EHBP1: variants seen among roughly 807,000 people sequenced by gnomAD.
EHBP1 encodes the protein EH domain binding protein 1.
A neutral mutation model predicts 144.0 loss-of-function variants in EHBP1; 55 were observed. The observed-to-expected ratio is 0.38, with a 90% CI of 0.31 to 0.48. EHBP1 has a LOEUF of 0.48. EHBP1 is among the 20% of genes least tolerant of loss of function. The probability of loss-of-function intolerance (pLI) is 0.98; values close to 1 mark genes in which losing one functional copy is unlikely to be tolerated. For missense variants in EHBP1, 1,200 were observed against 1,364.2 expected (o/e 0.88, Z 1.90); for synonymous variants, 469 against 472.7 (o/e 0.99, Z 0.10).
Position 62,836,185 on chromosome 2 carries a change from CT to C in EHBP1, c.634+5028del, listed in dbSNP as rs1573611733. ...GCCTCCTCAAATGGGTCCCTGACCC[CT>C]GACCCCCGAGCAGCCTAACTGGGAG... is the stretch of plus-strand genomic sequence containing the variant. On this transcript the variant is annotated intron_variant, in intron 7 of 22. Coordinates refer to ENST00000431489, the MANE Select transcript of EHBP1 (RefSeq NM_001142616.3). Among the ~76,000 whole-genome samples the C allele has an allele frequency of 2.0e-5, 3 of 152,304 alleles. No individual in the cohort carries two copies. In the East Asian group the frequency reaches 5.8e-4, roughly 29 times the overall value.
intron 10 of EHBP1, among the ~76,000 whole-genome samples, chr2:62,885,688 A>G (rs1256832519): frequency 6.6e-6 from 1 of 152,228 alleles, no homozygotes; most frequent in Non-Finnish European, 1.5e-5. Flanking sequence ...ATCATAATAT[A>G]AACAGCCAAT....
chr2:62,780,068 G>A (rs2042321164), intron 5 of EHBP1, among the ~76,000 whole-genome samples: 1 of 152,014 alleles, frequency 6.6e-6, no homozygotes, highest in African/African-American at 2.4e-5. Context: ...CAGAAAAGGT[G>A]ACCTACCAGC....
At chr2:62,798,848 C>T (rs2152482344) in intron 5 of EHBP1, among the ~76,000 whole-genome samples, 1 of 151,514 alleles carries the variant, frequency 6.6e-6, no homozygotes, top group Admixed American at 6.6e-5. Flanking sequence ...ACTAAAAATA[C>T]AAAAAATTAG....
At chr2:62,958,156 C>A (rs2057811166) in intron 14 of EHBP1, among the ~76,000 whole-genome samples, 1 of 152,212 alleles carries the variant, frequency 6.6e-6, no homozygotes, top group East Asian at 1.9e-4. Context: ...GAAAAACAGG[C>A]CATTGCTTAT....
intron 14 of EHBP1, among the ~76,000 whole-genome samples, chr2:62,957,376 A>G (rs1558980651): frequency 6.6e-6 from 1 of 152,210 alleles, no homozygotes; most frequent in Non-Finnish European, 1.5e-5. Flanking sequence ...AAATGTACAT[A>G]TAAAAAGCCT....
intron 6 of EHBP1, among the ~76,000 whole-genome samples, chr2:62,829,571 TTGTGTG>T (rs56847662): frequency 7.7e-5 from 11 of 142,462 alleles, no homozygotes; most frequent in East Asian, 2.0e-4. Context: ...GTGTTCTATG[TTGTGTG>T]TGTGTGTGTG....
At chr2:62,727,303 T>A (rs1572986295) in intron 2 of EHBP1, among the ~76,000 whole-genome samples, 1 of 151,964 alleles carries the variant, frequency 6.6e-6, no homozygotes, top group South Asian at 2.1e-4. Context: ...TTTTTTTTTT[T>A]AAACAGATTT....
rs556313969 is a variant in EHBP1, at chr2:62,809,904, C to T, written c.313-16183C>T. ...TCAGAAATACCAAAAATACGTTCAA[C>T]ATAAAGATATTCACTGTACCACCCT... On this transcript the variant is annotated intron_variant, in intron 5 of 22. Coordinates refer to ENST00000431489, the MANE Select transcript of EHBP1 (RefSeq NM_001142616.3). Among the ~76,000 whole-genome samples the T allele has an allele frequency of 1.3e-4, 20 of 152,226 alleles. 1 individual carries two copies. The South Asian group carries it at 3.9e-3, about 30-fold the overall frequency.
intron 18 of EHBP1, 101 bp downstream of exon 18, chr2:62,994,078 G>T (rs1398910700): frequency 1.1e-5 from 8 of 754,816 alleles, no homozygotes; most frequent in African/African-American, 3.5e-5. Context: ...GGTTTTTTAA[G>T]ATGTCAATCT....
intron 3 of EHBP1, among the ~76,000 whole-genome samples, chr2:62,760,706 A>G (rs185934563): frequency 3.1e-4 from 47 of 152,164 alleles, no homozygotes; most frequent in African/African-American, 1.1e-3. Context: ...ATAGAAGACT[A>G]TTTTCTTGAC....
chr2:62,979,689 G>A (rs2058875063), intron 15 of EHBP1, among the ~76,000 whole-genome samples: 1 of 152,152 alleles, frequency 6.6e-6, no homozygotes, highest in Non-Finnish European at 1.5e-5. Flanking sequence ...AATTAGTGAT[G>A]AGCTTTGTCA....
chr2:62,966,004 A>G (rs1223578095), intron 14 of EHBP1, among the ~76,000 whole-genome samples: 4 of 152,240 alleles, frequency 2.6e-5, no homozygotes, highest in African/African-American at 7.2e-5. Flanking sequence ...AATACAAACA[A>G]GCCAAGAACA....
At chr2:62,691,012 G>A (rs557907460) in intron 1 of EHBP1, among the ~76,000 whole-genome samples, 99 of 152,342 alleles carry the variant, frequency 6.5e-4, no homozygotes, top group African/African-American at 2.2e-3. Context: ...GAGCCCTTGC[G>A]TGCCCTCAGG....
At chr2:63,038,998 A>C (rs1211911622) in intron 21 of EHBP1, among the ~76,000 whole-genome samples, 182 bp downstream of exon 21, 1 of 152,206 alleles carries the variant, frequency 6.6e-6, no homozygotes, top group Non-Finnish European at 1.5e-5. Context: ...ATTCAGATAG[A>C]TAATCATTAT....
upstream of EHBP1, among the ~76,000 whole-genome samples, chr2:62,702,428 G>A (rs1257266415): frequency 6.6e-6 from 1 of 152,134 alleles, no homozygotes; most frequent in Non-Finnish European, 1.5e-5. Context: ...GACACAGTGG[G>A]CAATCCTGGA....
rs541657277 is a variant in EHBP1 at position 62,904,918 on chromosome 2, A to G, written c.1185+30386A>G. On this transcript the variant is annotated intron_variant, in intron 10 of 22. Coordinates refer to ENST00000431489, the MANE Select transcript of EHBP1 (RefSeq NM_001142616.3). ...AGCAAGTCCTGCCCTTGGGGAGTTT[A>G]TATTCTAGAGAGTTAGAAAGATTAC... is the stretch of plus-strand genomic sequence containing the variant. 3.3e-5 allele frequency among the ~76,000 whole-genome samples: 5 copies of G among 152,320 alleles called. No individual in the cohort carries two copies. In the South Asian group the frequency reaches 1.0e-3, roughly 32 times the overall value.
At chr2:62,735,462 G>A (rs756470130) in intron 2 of EHBP1, among the ~76,000 whole-genome samples, 84 of 151,726 alleles carry the variant, frequency 5.5e-4, no homozygotes, top group Non-Finnish European at 9.9e-4. Context: ...TTATATATAA[G>A]CATATATGTA....
At chr2:62,805,946 C>T (rs994945545) in intron 5 of EHBP1, among the ~76,000 whole-genome samples, 3 of 151,854 alleles carry the variant, frequency 2.0e-5, no homozygotes, top group Non-Finnish European at 4.4e-5. Context: ...TTGATATCAT[C>T]GAATTAATGT....
At chr2:62,941,547 C>G (rs1387063391) in intron 10 of EHBP1, among the ~76,000 whole-genome samples, 1 of 152,024 alleles carries the variant, frequency 6.6e-6, no homozygotes, top group East Asian at 1.9e-4. Context: ...TAGTAGTATT[C>G]TCACAAAAGC....
Sources: gnomAD v4.1 joint callset for allele counts (sites outside exome capture counted in the v4.1 genomes callset) on GRCh38, gnomAD v4.1.1 for gene constraint, MANE v1.5 for transcripts, NCBI Gene and HGNC (gene_info 2026-07-23, HGNC 2026-07-21) for gene names.